Variants in LHFPL3 observed in about 807,000 individuals in gnomAD.
The protein encoded by LHFPL3 is LHFPL tetraspan subfamily member 3 protein.
In LHFPL3, 5 loss-of-function variants were observed where a neutral mutation model predicts 19.3. The observed-to-expected ratio is 0.26, with a 90% CI of 0.14 to 0.54. The LOEUF (loss-of-function observed/expected upper bound fraction) is 0.54. LHFPL3 is among the 20% of genes least tolerant of loss of function. The pLI, the probability that LHFPL3 is intolerant of heterozygous loss-of-function variation, is 0.94. For synonymous variants in LHFPL3, 133 were observed against 126.2 expected (o/e 1.05, Z -0.36); for missense variants, 249 against 307.4 (o/e 0.81, Z 1.42).
intron 1 of LHFPL3, among the ~76,000 whole-genome samples, chr7:104,450,418 G>C (rs1792411318): frequency 6.6e-6 from 1 of 152,086 alleles, no homozygotes; most frequent in Admixed American, 6.6e-5. Context: ...TCTTTGTTCA[G>C]TGCAGGGACA....
chr7:104,405,498 T>C (rs1791396678), intron 1 of LHFPL3, among the ~76,000 whole-genome samples: 1 of 152,204 alleles, frequency 6.6e-6, no homozygotes, highest in African/African-American at 2.4e-5. Flanking sequence ...TGGCATTCAC[T>C]TAAATATTTT....
At chr7:104,821,968 A>G (rs756691572) in intron 2 of LHFPL3, among the ~76,000 whole-genome samples, 1 of 152,230 alleles carries the variant, frequency 6.6e-6, no homozygotes, top group Non-Finnish European at 1.5e-5. Flanking sequence ...TAGTAAGAAA[A>G]TGTCAAGAGT....
rs550397698 is a variant in LHFPL3, at chr7:104,565,527, G to A, written c.446-171148G>A. ...TAAGAGAGAAGAGAAGGAATTGACA[G>A]GAAATTGAGGAAGAGAAATGAAAGC... On this transcript the variant is annotated intron_variant, in intron 1 of 2. Coordinates refer to ENST00000424859, the MANE Select transcript of LHFPL3 (RefSeq NM_199000.3). Among the ~76,000 whole-genome samples the A allele has an allele frequency of 7.9e-5, 12 of 152,268 alleles. 1 individual carries two copies. In the South Asian group the frequency reaches 2.3e-3, roughly 29 times the overall value.
intron 1 of LHFPL3, among the ~76,000 whole-genome samples, chr7:104,622,273 C>A (rs1380605945): frequency 4.6e-5 from 7 of 152,124 alleles, no homozygotes; most frequent in Non-Finnish European, 1.0e-4. Flanking sequence ...CCACACTCAG[C>A]TCATTTTTTT....
chr7:104,788,361 G>A (rs762618754), intron 2 of LHFPL3, among the ~76,000 whole-genome samples: 11 of 152,158 alleles, frequency 7.2e-5, no homozygotes, highest in Non-Finnish European at 1.6e-4. Flanking sequence ...TCCTGCCAGC[G>A]ACAGCCTCTC....
chr7:104,569,618 G>C (rs78820584), intron 1 of LHFPL3, among the ~76,000 whole-genome samples: 3,654 of 152,158 alleles, frequency 0.024, 46 homozygotes, highest in Middle Eastern at 0.037. Context: ...TTTTTTCAAT[G>C]ATCTCTTAAT....
intron 1 of LHFPL3, among the ~76,000 whole-genome samples, chr7:104,341,830 G>A (rs1309586441): frequency 6.6e-6 from 1 of 152,034 alleles, no homozygotes. Flanking sequence ...TTTTCTCCCT[G>A]ACACTGCCTG....
At chr7:104,662,144 G>T (rs1410582225) in intron 1 of LHFPL3, among the ~76,000 whole-genome samples, 2 of 152,124 alleles carry the variant, frequency 1.3e-5, no homozygotes, top group African/African-American at 4.8e-5. Context: ...AATATTTTCA[G>T]ACTGTGGTTC....
intron 2 of LHFPL3, among the ~76,000 whole-genome samples, chr7:104,857,324 C>A (rs191971532): frequency 1.3e-5 from 2 of 152,272 alleles, no homozygotes; most frequent in East Asian, 3.9e-4. Context: ...CCACCAAATG[C>A]AAATATAATA....
chr7:104,444,752 G>A (rs1792294931), intron 1 of LHFPL3, among the ~76,000 whole-genome samples: 2 of 152,168 alleles, frequency 1.3e-5, no homozygotes, highest in Non-Finnish European at 2.9e-5. Flanking sequence ...ACTTTGGGAG[G>A]CCGAGGCAGG....
At chr7:104,850,897 C>A (rs926690396) in intron 2 of LHFPL3, among the ~76,000 whole-genome samples, 1 of 152,008 alleles carries the variant, frequency 6.6e-6, no homozygotes, top group Non-Finnish European at 1.5e-5. Flanking sequence ...TGACCCCTCA[C>A]CCACAGAGAT....
At chr7:104,558,406 G>C (rs1303086965) in intron 1 of LHFPL3, among the ~76,000 whole-genome samples, 7 of 150,718 alleles carry the variant, frequency 4.6e-5, no homozygotes, top group African/African-American at 1.5e-4. Flanking sequence ...TTGTGGTTTT[G>C]ATTTGCATTT....
At chr7:104,716,103 C>T (rs941503328) in intron 1 of LHFPL3, among the ~76,000 whole-genome samples, 9 of 152,158 alleles carry the variant, frequency 5.9e-5, no homozygotes, top group Non-Finnish European at 1.2e-4. Flanking sequence ...AATCCCAGCA[C>T]TTTGGGAGGC....
rs78584695 is a variant in LHFPL3 at position 104,665,240 on chromosome 7, G to A, written c.446-71435G>A. Among the ~76,000 whole-genome samples, 979 of 152,230 alleles carry A rather than the reference G, an allele frequency of 6.4e-3. 10 individuals carry two copies. Among genetic ancestry groups the A allele is most frequent in the African/African-American group, 0.022 (898 of 41,542 alleles). On this transcript the variant is annotated intron_variant, in intron 1 of 2. Coordinates refer to ENST00000424859, the MANE Select transcript of LHFPL3 (RefSeq NM_199000.3). ...ACAAATGTAGCATCTACTAGAAAGT[G>A]GTAGTTTGTGTATCTATAATTACTT...
intron 1 of LHFPL3, among the ~76,000 whole-genome samples, chr7:104,452,036 G>A (rs763858021): frequency 3.9e-5 from 6 of 151,908 alleles, no homozygotes; most frequent in African/African-American, 1.5e-4. Flanking sequence ...GTGGGCCACC[G>A]CACCCAGCCT....
intron 1 of LHFPL3, among the ~76,000 whole-genome samples, chr7:104,403,749 C>T (rs1350087096): frequency 1.3e-5 from 2 of 152,010 alleles, no homozygotes; most frequent in Admixed American, 1.3e-4. Flanking sequence ...CTCTCTCTCT[C>T]TCTCTCTCTC....
At chr7:104,897,306 G>T (rs1450576023) in intron 2 of LHFPL3, among the ~76,000 whole-genome samples, 2 of 152,118 alleles carry the variant, frequency 1.3e-5, no homozygotes, top group Non-Finnish European at 2.9e-5. Context: ...GTGTGCTTAT[G>T]TGTGTGTGTT....
intron 1 of LHFPL3, among the ~76,000 whole-genome samples, chr7:104,699,037 A>G (rs1350228396): frequency 1.3e-5 from 2 of 152,248 alleles, no homozygotes; most frequent in Non-Finnish European, 2.9e-5. Flanking sequence ...AAATGGAAAA[A>G]TAACAAGTGT....
intron 2 of LHFPL3, among the ~76,000 whole-genome samples, chr7:104,852,942 G>A (rs1791439470): frequency 6.6e-6 from 1 of 152,096 alleles, no homozygotes; most frequent in South Asian, 2.1e-4. Flanking sequence ...TGACCAGCCT[G>A]CTTTCCCTGT....
Sources: allele counts gnomAD v4.1 joint callset (sites outside exome capture counted in the v4.1 genomes callset), GRCh38; gene constraint gnomAD v4.1.1; transcripts MANE v1.5; gene names NCBI Gene and HGNC (gene_info 2026-07-23, HGNC 2026-07-21).